The following ACP3 variants were observed in gnomAD, a reference collection of about 807,000 sequenced individuals.
The protein encoded by ACP3 is acid phosphatase 3.
Under a neutral mutation model 45.6 loss-of-function variants are expected in ACP3, and 38 were observed. The ratio of observed to expected loss-of-function variants is 0.83; its 90% CI spans 0.64 to 1.09. ACP3 has a LOEUF of 1.09. Among genes scored for constraint, ACP3 ranks in the 50% least tolerant of loss-of-function variants. ACP3 has a pLI of 0.00. For synonymous variants in ACP3, 162 were observed against 164.7 expected (o/e 0.98, Z 0.13); for missense variants, 466 against 463.2 (o/e 1.01, Z -0.05).
At position 132,344,987 on chromosome 3, in the gene ACP3, G is replaced by A. The variant is rs769721271; in HGVS notation, c.709G>A (p.Glu237Lys). ...TGAGGACACCATGACTAAGTTGAGA[G>A]AATTGTCAGAATTGTCCCTCCTGTC... The part of the protein sequence containing the change: ...ATEDTMTKLR[E>K]LSELSLLSLY... The change falls in exon 7 of 10, where the codon GAA (glutamate) becomes AAA (lysine). Residue 237 changes from glutamate to lysine, a missense_variant. Glu to Lys is a moderately conservative substitution (Grantham distance 56). Transcript: ENST00000336375. The A allele has an allele frequency of 6.2e-7, 1 of 1,613,898 alleles. No homozygotes were observed. Among genetic ancestry groups the A allele is most frequent in the South Asian group, 1.1e-5 (1 of 91,078 alleles).
chr3:132,327,071 A>G (rs950976889), intron 1 of ACP3, among the ~76,000 whole-genome samples: 4 of 152,272 alleles, frequency 2.6e-5, no homozygotes, highest in African/African-American at 9.6e-5. Context: ...ATGGGTACAA[A>G]TATAGAAGTA....
chr3:132,335,441 C>T (rs897513137), intron 4 of ACP3, among the ~76,000 whole-genome samples: 13 of 152,106 alleles, frequency 8.5e-5, no homozygotes, highest in African/African-American at 2.4e-4. Flanking sequence ...CAGGAAGCAA[C>T]TTTTAAAATA....
chr3:132,354,877 G>T (rs548544702), intron 9 of ACP3, among the ~76,000 whole-genome samples: 1 of 151,978 alleles, frequency 6.6e-6, no homozygotes, highest in East Asian at 1.9e-4. Context: ...CTCATCTTTG[G>T]CTTGTGTCTT....
At chr3:132,350,160 T>C (rs191576037) in intron 8 of ACP3, among the ~76,000 whole-genome samples, 158 bp downstream of exon 8, 46 of 148,252 alleles carry the variant, frequency 3.1e-4, no homozygotes, top group Admixed American at 1.0e-3. Flanking sequence ...TTCTGTCCTT[T>C]AAGGGATTTA....
chr3:132,330,616 A>G (rs550876500), intron 2 of ACP3, among the ~76,000 whole-genome samples: 3 of 152,288 alleles, frequency 2.0e-5, no homozygotes, highest in African/African-American at 7.2e-5. Context: ...AGGTCACGGT[A>G]TATTATTCCT....
intron 9 of ACP3, 61 bp downstream of exon 9, chr3:132,352,884 T>C (rs1937789693): frequency 3.9e-6 from 5 of 1,276,754 alleles, no homozygotes; most frequent in Middle Eastern, 3.7e-4. Flanking sequence ...ATTATTATTA[T>C]TTTGGGTTAA....
At chr3:132,354,420 G>T (rs1937829988) in intron 9 of ACP3, among the ~76,000 whole-genome samples, 1 of 152,100 alleles carries the variant, frequency 6.6e-6, no homozygotes, top group Non-Finnish European at 1.5e-5. Flanking sequence ...CAACTGAAAG[G>T]CAGTGACATA....
chr3:132,359,486 C>A (rs541396377), downstream of ACP3, among the ~76,000 whole-genome samples: 2 of 151,992 alleles, frequency 1.3e-5, no homozygotes, highest in South Asian at 2.1e-4. Flanking sequence ...CCAGCCTGGG[C>A]AACAGAGCGA....
At chr3:132,360,711 T>C (rs1938024848), downstream of ACP3, among the ~76,000 whole-genome samples, 1 of 152,198 alleles carries the variant, frequency 6.6e-6, no homozygotes, top group South Asian at 2.1e-4. Context: ...CCAACTCTAA[T>C]TATTTCACAA....
downstream of ACP3, among the ~76,000 whole-genome samples, chr3:132,360,100 G>T (rs193228822): frequency 6.6e-6 from 1 of 152,116 alleles, no homozygotes; most frequent in Non-Finnish European, 1.5e-5. Context: ...ACAGATTTTC[G>T]TTCAGTGTTG....
intron 6 of ACP3, 35 bp downstream of exon 6, chr3:132,342,679 T>G (rs916142235): frequency 1.6e-6 from 2 of 1,288,406 alleles, no homozygotes; most frequent in Non-Finnish European, 1.1e-6. Context: ...TAACTTGCAA[T>G]CTGATTTTAT....
At chr3:132,355,486 C>CTTATTTTATTTTATTTTATA (rs1937861489) in intron 9 of ACP3, among the ~76,000 whole-genome samples, 1 of 150,270 alleles carries the variant, frequency 6.7e-6, no homozygotes, top group Non-Finnish European at 1.5e-5. Flanking sequence ...TTTATTTTAT[C>CTTATTTTATTTTATTTTATA]TTATTTTATT....
chr3:132,331,523 A>G (rs1294491129), intron 2 of ACP3, 124 bp from the exon 3 acceptor site: 2 of 660,322 alleles, frequency 3.0e-6, no homozygotes, highest in African/African-American at 3.8e-5. Flanking sequence ...TTATTGTGGA[A>G]CTATTAAACC....
chr3:132,367,860 A>G (rs1938156225), exon 11 of ACP3: 1 of 1,418,646 alleles, frequency 7.0e-7, no homozygotes, highest in Non-Finnish European at 1.0e-6. Flanking sequence ...CTCCTGTGAC[A>G]CAGCATCTCT....
chr3:132,351,080 G>C (rs1937724146), intron 8 of ACP3, among the ~76,000 whole-genome samples: 1 of 152,188 alleles, frequency 6.6e-6, no homozygotes, highest in African/African-American at 2.4e-5. Flanking sequence ...TCAGTTTTCA[G>C]TGGCAGGAAG....
chr3:132,332,377 A>G lies in ACP3; in HGVS notation c.456+33A>G, dbSNP rs1161312393. On this transcript the variant is annotated intron_variant, in intron 4 of 9. Coordinates refer to ENST00000336375, the MANE Select transcript of ACP3 (RefSeq NM_001099.5). The stretch of plus-strand genomic sequence containing the variant: ...TACTGGGAAAACCAGGAGATTTCAG[A>G]TGGACCTAGAATGAGGAAGGCAGGC... 5.6e-6 allele frequency: 9 copies of G among 1,612,958 alleles called. No individual in the cohort carries two copies. In the Admixed American group the frequency reaches 8.3e-5, roughly 15 times the overall value.
chr3:132,325,973 TAAG>T (rs1388792161), intron 1 of ACP3, among the ~76,000 whole-genome samples: 1 of 152,220 alleles, frequency 6.6e-6, no homozygotes, highest in Non-Finnish European at 1.5e-5. Flanking sequence ...CAAAAAATGT[TAAG>T]GAGTTACCGT....
At chr3:132,348,694 A>T (rs1251399978) in intron 7 of ACP3, among the ~76,000 whole-genome samples, 1 of 152,142 alleles carries the variant, frequency 6.6e-6, no homozygotes, top group African/African-American at 2.4e-5. Flanking sequence ...ACCCTCTCTG[A>T]GATGGAGGGA....
intron 10 of ACP3, among the ~76,000 whole-genome samples, chr3:132,366,584 G>A (rs775089811): frequency 1.3e-5 from 2 of 152,256 alleles, no homozygotes; most frequent in South Asian, 2.1e-4. Context: ...GAAGGCTCTG[G>A]GAAGAGCAAA....
Sources: gnomAD v4.1 joint callset for allele counts (sites outside exome capture counted in the v4.1 genomes callset) on GRCh38, gnomAD v4.1.1 for gene constraint, MANE v1.5 for transcripts, NCBI Gene and HGNC (gene_info 2026-07-23, HGNC 2026-07-21) for gene names.